Variants in GRAMD1B observed in about 807,000 individuals in gnomAD.
The protein encoded by GRAMD1B is GRAM domain containing 1B.
A neutral mutation model predicts 99.7 loss-of-function variants in GRAMD1B; 37 were observed. The ratio of observed to expected loss-of-function variants is 0.37; its 90% CI spans 0.29 to 0.49. The LOEUF is 0.49. Among genes scored for constraint, GRAMD1B ranks in the 20% least tolerant of loss-of-function variants. The pLI, the probability that GRAMD1B is intolerant of heterozygous loss-of-function variation, is 0.98. For missense variants in GRAMD1B, 888 were observed against 1,009.2 expected, an observed-to-expected ratio of 0.88 and a Z score of 1.63; for synonymous variants, 427 against 387.6, an observed-to-expected ratio of 1.10 and a Z score of -1.19.
chr11:123,468,339 A>C (rs1273105992), intron 1 of GRAMD1B, among the ~76,000 whole-genome samples: 1 of 152,154 alleles, frequency 6.6e-6, no homozygotes, highest in African/African-American at 2.4e-5. Flanking sequence ...TTGCACATTC[A>C]TCAGATATGT....
chr11:123,372,678 G>A (rs1008445194), intron 1 of GRAMD1B, among the ~76,000 whole-genome samples: 7 of 152,066 alleles, frequency 4.6e-5, no homozygotes, highest in Admixed American at 6.6e-5. Context: ...TCCTTCCCTC[G>A]TTTTCTGGTG....
chr11:123,359,724 T>C (rs1332172560), intron 1 of GRAMD1B, among the ~76,000 whole-genome samples: 1 of 151,930 alleles, frequency 6.6e-6, no homozygotes, highest in Non-Finnish European at 1.5e-5. Flanking sequence ...GCTTGGCAAA[T>C]CTCTAGATTT....
At position 123,492,418 on chromosome 11, in the gene GRAMD1B, C is replaced by T. The variant is rs565219096; in HGVS notation, c.452+11525C>T. ...TGTGTTCATTTCTATATCACCTCGT[C>T]GGGCACTTTGGTCTGACTCCAGAAT... On this transcript the variant is annotated intron_variant, in intron 2 of 19. Transcript: ENST00000635736. The surrounding 1 kb of genome is among the most constrained non-coding windows in gnomAD (Gnocchi z 4.2). Among the ~76,000 whole-genome samples the T allele has an allele frequency of 1.7e-4, 26 of 152,182 alleles. No homozygotes were observed. The highest frequency in any genetic ancestry group is 6.0e-4 in the African/African-American group (25 of 41,526).
chr11:123,549,056 G>T (rs894619542), intron 2 of GRAMD1B, among the ~76,000 whole-genome samples: 1 of 152,196 alleles, frequency 6.6e-6, no homozygotes, highest in African/African-American at 2.4e-5. Context: ...AGGGAGAGGA[G>T]AGGTAGTTAG....
chr11:123,606,516 T>C (rs1157676792), intron 10 of GRAMD1B, 93 bp from the exon 11 acceptor site: 21 of 1,133,500 alleles, frequency 1.9e-5, no homozygotes, highest in Non-Finnish European at 2.5e-5. Context: ...GCTGGGAGTA[T>C]GAGAGCTGCC....
chr11:123,483,391 C>CT (rs67407274), intron 2 of GRAMD1B, among the ~76,000 whole-genome samples: 2,874 of 134,146 alleles, frequency 0.021, 90 homozygotes, highest in African/African-American at 0.068. Context: ...TTTTCTTTTT[C>CT]TTTTTTTTTT....
At chr11:123,432,097 A>G (rs1210781268) in intron 1 of GRAMD1B, 2 of 398,506 alleles carry the variant, frequency 5.0e-6, no homozygotes, top group Non-Finnish European at 4.4e-6. Context: ...TCCTTCTCCA[A>G]ATCTGTTCAA....
intron 2 of GRAMD1B, among the ~76,000 whole-genome samples, chr11:123,526,799 C>G (rs1942817813): frequency 6.6e-6 from 1 of 152,224 alleles, no homozygotes; most frequent in Non-Finnish European, 1.5e-5. Flanking sequence ...AAAGGCATCT[C>G]TCGCTTGGGG....
At chr11:123,589,614 T>TATATATATATATATATATATA (rs1555089174) in intron 4 of GRAMD1B, among the ~76,000 whole-genome samples, 25 of 128,262 alleles carry the variant, frequency 1.9e-4, no homozygotes, top group African/African-American at 7.4e-4. Context: ...TGGCTAATTT[T>TATATATATATATATATATATA]TATATATATA....
At position 123,430,454 on chromosome 11, in the gene GRAMD1B, G is replaced by A. The variant is rs946945636; in HGVS notation, c.-339G>A. The A allele has an allele frequency of 1.3e-5, 4 of 307,396 alleles. No individual in the cohort carries two copies. Among genetic ancestry groups the A allele is most frequent in the African/African-American group, 4.4e-5 (2 of 45,562 alleles). The allele number at this position is 307,396 out of a possible 1,614,324, so 19.0% of individuals were successfully genotyped here. A position where few individuals can be genotyped will look rare whatever the true frequency, so the allele number is the denominator to read the frequency against. ...CCCGCTAAGGCAAAGACGCCAGCAA[G>A]CGAGGAAGCGCAGCGGAAGAAAAAC... On this transcript the variant is annotated 5_prime_UTR_variant, in exon 1 of 20. Coordinates refer to ENST00000635736, the MANE Select transcript of GRAMD1B (RefSeq NM_001387025.1).
chr11:123,447,713 G>C (rs1215004829), intron 1 of GRAMD1B, among the ~76,000 whole-genome samples: 1 of 152,226 alleles, frequency 6.6e-6, no homozygotes, highest in Non-Finnish European at 1.5e-5. Flanking sequence ...TGTGTCTGAA[G>C]AGTTATGCTA....
chr11:123,382,643 C>G (rs1313313859), intron 1 of GRAMD1B, among the ~76,000 whole-genome samples: 1 of 151,968 alleles, frequency 6.6e-6, no homozygotes, highest in African/African-American at 2.4e-5. Flanking sequence ...AAAAAGCATC[C>G]AGGAATATAG....
intron 2 of GRAMD1B, among the ~76,000 whole-genome samples, chr11:123,539,459 C>G (rs1355418657): frequency 6.6e-6 from 1 of 151,848 alleles, no homozygotes; most frequent in Non-Finnish European, 1.5e-5. Flanking sequence ...AAAAATTAGC[C>G]AGACATGGTG....
At chr11:123,413,146 T>A (rs1474885457) in intron 1 of GRAMD1B, among the ~76,000 whole-genome samples, 1 of 152,172 alleles carries the variant, frequency 6.6e-6, no homozygotes. Context: ...GCTTGAGTAT[T>A]ACCTCCCTGG....
Position 123,430,717 on chromosome 11 carries a change from T to C in GRAMD1B, c.-76T>C. 1 of 588,354 alleles carries C rather than the reference T, an allele frequency of 1.7e-6. No individual in the cohort carries two copies. The highest frequency in any genetic ancestry group is 3.0e-6 in the Non-Finnish European group (1 of 333,878). 36.4% of individuals were successfully genotyped at this position (588,354 alleles called of 1,614,324 possible). Reference sequence around the variant, plus strand: ...GGGGAGTGTGCCGCGGGGCCGAGGGTGGGGAACAGCCAGAGGGAGACGCGA... The same window carrying C: ...GGGGAGTGTGCCGCGGGGCCGAGGGCGGGGAACAGCCAGAGGGAGACGCGA... On this transcript the variant is annotated 5_prime_UTR_variant, in exon 1 of 20. Coordinates refer to ENST00000635736, the MANE Select transcript of GRAMD1B (RefSeq NM_001387025.1).
intron 2 of GRAMD1B, among the ~76,000 whole-genome samples, chr11:123,490,250 G>C (rs73612088): frequency 2.6e-5 from 4 of 152,156 alleles, no homozygotes; most frequent in African/African-American, 7.2e-5. Flanking sequence ...AAGGTGTAAG[G>C]CTTGGGCAAA....
chr11:123,366,128 G>A (rs886727053), intron 1 of GRAMD1B, among the ~76,000 whole-genome samples: 8 of 152,206 alleles, frequency 5.3e-5, no homozygotes, highest in Admixed American at 3.9e-4. Flanking sequence ...AATAGAAAAT[G>A]CTAATTTCTG....
At chr11:123,576,960 G>A (rs1405775322) in intron 2 of GRAMD1B, among the ~76,000 whole-genome samples, 1 of 152,210 alleles carries the variant, frequency 6.6e-6, no homozygotes, top group Non-Finnish European at 1.5e-5. Context: ...AAATATAGAA[G>A]CTTTGCATTT....
chr11:123,437,654 C>T (rs2134236487), intron 1 of GRAMD1B, among the ~76,000 whole-genome samples: 1 of 152,344 alleles, frequency 6.6e-6, no homozygotes, highest in East Asian at 1.9e-4. Flanking sequence ...TTCCACTTAG[C>T]TCCATGTCTG....
Sources: allele counts gnomAD v4.1 joint callset (sites outside exome capture counted in the v4.1 genomes callset), GRCh38; gene constraint gnomAD v4.1.1; non-coding constraint Gnocchi (gnomAD v3.1); transcripts MANE v1.5; gene names NCBI Gene and HGNC (gene_info 2026-07-23, HGNC 2026-07-21).